NELL1: variants seen among roughly 807,000 people sequenced by gnomAD.
NELL1 encodes the protein neural EGFL like 1.
NELL1 carries 76 observed loss-of-function variants against 107.4 expected under a neutral mutation model. The observed-to-expected ratio is 0.71, with a 90% confidence interval of 0.59 to 0.86. The LOEUF is 0.86. NELL1 is among the 40% of genes least tolerant of loss of function. NELL1 has a pLI of 0.00. For synonymous variants in NELL1, 353 were observed against 341.2 expected, an observed-to-expected ratio of 1.03 and a Z score of -0.38; for missense variants, 1,024 against 1,005.5, an observed-to-expected ratio of 1.02 and a Z score of -0.25.
At chr11:21,568,275 AC>A (rs1471026359) in intron 17 of NELL1, among the ~76,000 whole-genome samples, 1 of 151,850 alleles carries the variant, frequency 6.6e-6, no homozygotes, top group East Asian at 1.9e-4. Flanking sequence ...CATATAAAAG[AC>A]AAAAAATGGT....
chr11:21,039,864 C>T (rs577613595), intron 12 of NELL1, among the ~76,000 whole-genome samples: 9 of 152,142 alleles, frequency 5.9e-5, no homozygotes, highest in African/African-American at 1.9e-4. Flanking sequence ...TAACCCACAC[C>T]TTTCTTGGCT....
In NELL1 at chr11:21,156,750, A is replaced by G. The variant is rs1372080562; in HGVS notation, c.1426+43036A>G. ...ATTCATAGGGACATTGAAATCGTTT[A>G]GTATAATGCTGAGACTTAAGGGTAA... On this transcript the variant is annotated intron_variant, in intron 13 of 19. Coordinates refer to ENST00000357134, the MANE Select transcript of NELL1 (RefSeq NM_006157.5). Among the ~76,000 whole-genome samples, 2 of 152,142 alleles carry G rather than the reference A, an allele frequency of 1.3e-5. 1 individual carries two copies. The highest frequency in any genetic ancestry group is 2.9e-5 in the Non-Finnish European group (2 of 68,022).
rs115891604 is a variant in NELL1, at chr11:21,537,731, C to A, written c.1786+3217C>A. On this transcript the variant is annotated intron_variant, in intron 16 of 19. Transcript: ENST00000357134. ...ATAGTCAAAGAGAAGGCATTCAATGCATGTATGTCAAATGATTGAAGGCAT... is the reference window on the plus strand; with the variant it reads ...ATAGTCAAAGAGAAGGCATTCAATGAATGTATGTCAAATGATTGAAGGCAT... Among the ~76,000 whole-genome samples, 1,452 of 152,224 alleles carry A rather than the reference C, an allele frequency of 9.5e-3. 20 individuals are homozygous for A. The highest frequency in any genetic ancestry group is 0.033 in the African/African-American group (1,384 of 41,540).
chr11:21,300,968 T>A (rs947499380), intron 14 of NELL1, among the ~76,000 whole-genome samples: 3 of 152,114 alleles, frequency 2.0e-5, no homozygotes, highest in African/African-American at 7.2e-5. Flanking sequence ...ATTGTTCAAT[T>A]CCCACCTATG....
intron 12 of NELL1, among the ~76,000 whole-genome samples, chr11:21,080,953 GTTC>G (rs1565048798): frequency 6.6e-6 from 1 of 151,592 alleles, no homozygotes; most frequent in African/African-American, 2.4e-5. Flanking sequence ...ATTTTAACTT[GTTC>G]TTCTTTGAGC....
intron 13 of NELL1, among the ~76,000 whole-genome samples, chr11:21,125,837 T>G (rs1318534110): frequency 6.6e-6 from 1 of 152,322 alleles, no homozygotes; most frequent in Non-Finnish European, 1.5e-5. Flanking sequence ...TGTGTAGAAA[T>G]GGAAAGAACA....
At chr11:21,310,208 T>A (rs1245432965) in intron 14 of NELL1, among the ~76,000 whole-genome samples, 1 of 152,070 alleles carries the variant, frequency 6.6e-6, no homozygotes, top group East Asian at 1.9e-4. Flanking sequence ...AGAACTCAGA[T>A]TTGAAACCAG....
At chr11:21,111,713 A>T (rs577356957) in intron 12 of NELL1, among the ~76,000 whole-genome samples, 1 of 152,058 alleles carries the variant, frequency 6.6e-6, no homozygotes, top group Non-Finnish European at 1.5e-5. Context: ...TTCCACTCAG[A>T]TTTCATGATC....
intron 14 of NELL1, among the ~76,000 whole-genome samples, chr11:21,362,014 C>G (rs888523400): frequency 1.3e-5 from 2 of 152,156 alleles, no homozygotes; most frequent in Non-Finnish European, 2.9e-5. Context: ...GGGTTTGGCT[C>G]CATTGCTAGG....
At chr11:21,551,408 C>T (rs1856579673) in intron 16 of NELL1, among the ~76,000 whole-genome samples, 1 of 152,014 alleles carries the variant, frequency 6.6e-6, no homozygotes, top group Non-Finnish European at 1.5e-5. Context: ...GAAGGCATCC[C>T]TGTCTTGTGC....
At chr11:20,837,882 A>G (rs1368650482) in intron 3 of NELL1, among the ~76,000 whole-genome samples, 1 of 152,172 alleles carries the variant, frequency 6.6e-6, no homozygotes, top group Non-Finnish European at 1.5e-5. Context: ...TAAGTAATTT[A>G]TGTAAAATGA....
intron 1 of NELL1, among the ~76,000 whole-genome samples, chr11:20,674,316 G>A (rs1421252861): frequency 6.6e-6 from 1 of 152,142 alleles, no homozygotes; most frequent in Non-Finnish European, 1.5e-5. Flanking sequence ...GGAGTGGTCT[G>A]GAGAACTGGT....
At chr11:20,696,288 T>G (rs1287718269) in intron 2 of NELL1, among the ~76,000 whole-genome samples, 2 of 152,144 alleles carry the variant, frequency 1.3e-5, no homozygotes, top group Non-Finnish European at 2.9e-5. Flanking sequence ...AGTTCTGCTC[T>G]TATTTTAGTT....
intron 15 of NELL1, among the ~76,000 whole-genome samples, chr11:21,408,385 A>G (rs1852285171): frequency 6.6e-6 from 1 of 151,822 alleles, no homozygotes; most frequent in South Asian, 2.1e-4. Context: ...CTGATTCTCC[A>G]TTTTCTTAGG....
At chr11:20,769,419 C>T (rs1027816319) in intron 2 of NELL1, 6 of 152,220 alleles carry the variant, frequency 3.9e-5, no homozygotes, top group African/African-American at 7.2e-5. Context: ...AGGCCACCGT[C>T]TGGCCATTAA....
chr11:20,826,980 C>T (rs944409060), intron 3 of NELL1, among the ~76,000 whole-genome samples: 1 of 151,308 alleles, frequency 6.6e-6, no homozygotes, highest in African/African-American at 2.4e-5. Context: ...AGTGTCAGAT[C>T]TGGCTCTATT....
At chr11:20,692,121 G>A (rs1202503534) in intron 2 of NELL1, among the ~76,000 whole-genome samples, 19 of 151,528 alleles carry the variant, frequency 1.3e-4, no homozygotes, top group Admixed American at 2.0e-4. Context: ...CTGTGGGATC[G>A]GTGGTGATAT....
intron 2 of NELL1, among the ~76,000 whole-genome samples, chr11:20,732,160 T>C (rs67508397): frequency 0.12 from 18,204 of 152,118 alleles, 1,204 homozygotes; most frequent in Non-Finnish European, 0.15. Flanking sequence ...GGAGGTATTC[T>C]GGAGGAATGG....
intron 13 of NELL1, among the ~76,000 whole-genome samples, chr11:21,195,751 A>T (rs1218784889): frequency 1.3e-5 from 2 of 152,016 alleles, no homozygotes; most frequent in South Asian, 4.2e-4. Flanking sequence ...GCACATCTCA[A>T]TCCATGCAAG....
Sources: allele counts gnomAD v4.1 joint callset (sites outside exome capture counted in the v4.1 genomes callset), GRCh38; gene constraint gnomAD v4.1.1; transcripts MANE v1.5; gene names NCBI Gene and HGNC (gene_info 2026-07-23, HGNC 2026-07-21).